SRGAP1: variants seen among roughly 807,000 people sequenced by gnomAD.
SRGAP1 encodes the protein SLIT-ROBO Rho GTPase activating protein 1.
A neutral mutation model predicts 121.9 loss-of-function variants in SRGAP1; 43 were observed. That is an observed-to-expected ratio of 0.35 (90% CI 0.28 to 0.46). The LOEUF is 0.46. SRGAP1 is among the 20% of genes least tolerant of loss of function. The pLI is 1.00. For missense variants in SRGAP1, 1,102 were observed against 1,350.9 expected (o/e 0.82, Z 2.89); for synonymous variants, 447 against 485.4 (o/e 0.92, Z 1.04).
At chr12:64,072,104 C>CTGTGTG (rs1367106043) in intron 8 of SRGAP1, among the ~76,000 whole-genome samples, 4 of 40,830 alleles carry the variant, frequency 9.8e-5, no homozygotes, top group African/African-American at 1.6e-4. Context: ...GACCCAATCT[C>CTGTGTG]TCTCTGTGTG....
chr12:63,869,791 T>G (rs532969848), intron 1 of SRGAP1, among the ~76,000 whole-genome samples: 1 of 152,354 alleles, frequency 6.6e-6, no homozygotes, highest in African/African-American at 2.4e-5. Context: ...ATATTACTTT[T>G]GCATCAGCCT....
intron 1 of SRGAP1, among the ~76,000 whole-genome samples, chr12:63,939,635 C>T (rs1272088862): frequency 6.6e-6 from 1 of 152,128 alleles, no homozygotes; most frequent in Non-Finnish European, 1.5e-5. Context: ...AAAGGGAAAC[C>T]TGGTCTGTTA....
intron 1 of SRGAP1, among the ~76,000 whole-genome samples, chr12:63,971,839 A>C (rs1221996650): frequency 6.6e-6 from 1 of 152,084 alleles, no homozygotes; most frequent in African/African-American, 2.4e-5. Context: ...TTTGTAGCCT[A>C]AAACTTGAAA....
At chr12:64,043,008 T>C (rs1228159376) in intron 5 of SRGAP1, 36 bp downstream of exon 5, 9 of 1,468,004 alleles carry the variant, frequency 6.1e-6, no homozygotes. Context: ...TCTGCCTTCA[T>C]TTGAGGAGAC....
At chr12:64,058,660 C>G (rs533210179) in intron 6 of SRGAP1, among the ~76,000 whole-genome samples, 101 of 152,258 alleles carry the variant, frequency 6.6e-4, no homozygotes, top group African/African-American at 2.3e-3. Flanking sequence ...ATTTTCATCA[C>G]TAAATGCACT....
chr12:64,089,285 T>TCTAA (rs1173779504), intron 11 of SRGAP1, among the ~76,000 whole-genome samples: 1 of 152,130 alleles, frequency 6.6e-6, no homozygotes, highest in Non-Finnish European at 1.5e-5. Flanking sequence ...ACTAGCCTAT[T>TCTAA]CTAAACCTGC....
intron 8 of SRGAP1, among the ~76,000 whole-genome samples, chr12:64,066,537 CCT>C (rs750708551): frequency 1.3e-5 from 2 of 151,604 alleles, no homozygotes; most frequent in Admixed American, 6.6e-5. Flanking sequence ...ACTTTCATAC[CCT>C]GTTTTGTTTT....
intron 4 of SRGAP1, among the ~76,000 whole-genome samples, chr12:64,018,994 T>C (rs1262360857): frequency 2.6e-5 from 4 of 152,190 alleles, no homozygotes; most frequent in Non-Finnish European, 4.4e-5. Flanking sequence ...GTTCCTTTGC[T>C]TAGACATTGT....
At position 64,035,014 on chromosome 12, in the gene SRGAP1, G is replaced by T. The variant is rs539684208; in HGVS notation, c.490-7776G>T. ...TGGCCACTCATGACCTCAGGGATCA[G>T]CAACTCTTTCAGCCCTGATGCTGGG... On this transcript the variant is annotated intron_variant, in intron 4 of 21. Coordinates refer to ENST00000355086, the MANE Select transcript of SRGAP1 (RefSeq NM_020762.4). Among the ~76,000 whole-genome samples the T allele has an allele frequency of 2.0e-4, 30 of 150,362 alleles. 1 individual carries two copies. In the South Asian group the frequency reaches 6.1e-3, roughly 31 times the overall value.
intron 1 of SRGAP1, among the ~76,000 whole-genome samples, chr12:63,869,467 A>ATG (rs35032011): frequency 0.18 from 27,891 of 151,300 alleles, 2,739 homozygotes; most frequent in Middle Eastern, 0.28. Flanking sequence ...TATGGTATGT[A>ATG]TGTGTGTGTG....
intron 1 of SRGAP1, among the ~76,000 whole-genome samples, chr12:63,873,913 A>G (rs1419460222): frequency 6.6e-6 from 1 of 151,572 alleles, no homozygotes; most frequent in Non-Finnish European, 1.5e-5. Context: ...CTATGGTCGC[A>G]TGCAGCTACT....
intron 1 of SRGAP1, among the ~76,000 whole-genome samples, chr12:63,860,534 G>C (rs546071683): frequency 6.6e-6 from 1 of 151,934 alleles, no homozygotes; most frequent in East Asian, 1.9e-4. Context: ...TCATCAAGGA[G>C]AAAAAAATCT....
intron 1 of SRGAP1, among the ~76,000 whole-genome samples, chr12:63,900,414 C>T (rs1781924057): frequency 6.6e-6 from 1 of 151,684 alleles, no homozygotes; most frequent in South Asian, 2.1e-4. Flanking sequence ...ACTGTGTTAG[C>T]CAGATAGTAT....
At chr12:63,909,083 T>A (rs2030364714) in intron 1 of SRGAP1, among the ~76,000 whole-genome samples, 1 of 151,792 alleles carries the variant, frequency 6.6e-6, no homozygotes, top group African/African-American at 2.4e-5. Context: ...AGAGACGGGG[T>A]TTCACCATGT....
At chr12:64,077,741 C>A (rs2035764101) in intron 8 of SRGAP1, among the ~76,000 whole-genome samples, 1 of 151,492 alleles carries the variant, frequency 6.6e-6, no homozygotes, top group African/African-American at 2.4e-5. Context: ...AAATAGGACA[C>A]AAAAAACACT....
Position 64,150,602 on chromosome 12 carries a change from A to T in SRGAP1, c.*7930A>T, listed in dbSNP as rs2037106982. On this transcript the variant is annotated 3_prime_UTR_variant, in exon 22 of 22. Transcript: ENST00000355086. ...CAAAATTGTACAATGACATGACATT[A>T]ACTCAAAAATGAAGTTTGAGGTTCT... 1 of 143,930 alleles carries T rather than the reference A, an allele frequency of 6.9e-6. No homozygotes were observed. The highest frequency in any genetic ancestry group is 1.6e-5 in the Non-Finnish European group (1 of 64,334). The allele number at this position is 143,930 out of a possible 1,614,324, so 8.9% of individuals were successfully genotyped here. A position where few individuals can be genotyped will look rare whatever the true frequency, so the allele number is the denominator to read the frequency against.
At chr12:63,868,056 ATTTTTTTTTT>A (rs1219689164) in intron 1 of SRGAP1, among the ~76,000 whole-genome samples, 1 of 57,844 alleles carries the variant, frequency 1.7e-5, no homozygotes, top group Admixed American at 2.6e-4. Flanking sequence ...ATATATATAT[ATTTTTTTTTT>A]TTTTTTTTTT....
chr12:64,142,830 A>AT lies in SRGAP1; in HGVS notation c.*160dup. The AT allele has an allele frequency of 2.1e-6, 2 of 954,280 alleles. No homozygotes were observed. Among genetic ancestry groups the AT allele is most frequent in the Non-Finnish European group, 3.1e-6 (2 of 650,028 alleles). 59.1% of individuals were successfully genotyped at this position (954,280 alleles called of 1,614,324 possible). A position where few individuals can be genotyped will look rare whatever the true frequency, so the allele number is the denominator to read the frequency against. On this transcript the variant is annotated 3_prime_UTR_variant, in exon 22 of 22. Coordinates refer to ENST00000355086, the MANE Select transcript of SRGAP1 (RefSeq NM_020762.4). ...GAATGTAATGTCTGAGACTAGCTAA[A>AT]TTAACACGGGCATTTGTATTTTGTA...
chr12:64,139,593 T>C (rs550103868), intron 21 of SRGAP1, among the ~76,000 whole-genome samples: 426 of 151,352 alleles, frequency 2.8e-3, no homozygotes, highest in African/African-American at 9.8e-3. Context: ...GGGTTGTTTG[T>C]TTTTTTCTTG....
Sources: gnomAD v4.1 joint callset for allele counts (sites outside exome capture counted in the v4.1 genomes callset) on GRCh38, gnomAD v4.1.1 for gene constraint, MANE v1.5 for transcripts, NCBI Gene and HGNC (gene_info 2026-07-23, HGNC 2026-07-21) for gene names.